Variants in PARD3B observed in about 807,000 individuals in gnomAD.
PARD3B encodes par-3 family cell polarity regulator beta, also known as partitioning defective 3 homolog B.
In PARD3B, 103 loss-of-function variants were observed where a neutral mutation model predicts 130.2. The ratio of observed to expected loss-of-function variants is 0.79; its 90% CI spans 0.67 to 0.93. The LOEUF (loss-of-function observed/expected upper bound fraction) is 0.93, where lower values mean the gene tolerates loss of function less well. Ranked by LOEUF, PARD3B falls within the 40% of genes least tolerant of loss-of-function variation. The probability of loss-of-function intolerance (pLI) is 0.00; values close to 1 mark genes in which losing one functional copy is unlikely to be tolerated. For missense variants in PARD3B, 1,609 were observed against 1,499.2 expected, an observed-to-expected ratio of 1.07 and a Z score of -1.21; for synonymous variants, 583 against 553.2, an observed-to-expected ratio of 1.05 and a Z score of -0.76.
intron 16 of PARD3B, among the ~76,000 whole-genome samples, chr2:205,284,875 GA>G (rs1180273510): frequency 2.0e-5 from 3 of 151,832 alleles, no homozygotes; most frequent in Non-Finnish European, 2.9e-5. Flanking sequence ...CAAATGATGG[GA>G]AAAACTGTTT....
intron 22 of PARD3B, among the ~76,000 whole-genome samples, chr2:205,557,577 C>G (rs1483278529): frequency 6.6e-6 from 1 of 152,162 alleles, no homozygotes; most frequent in African/African-American, 2.4e-5. Context: ...ACCTGTGTGG[C>G]CTTGGGCAGT....
At chr2:204,595,014 CTTTATAAAG>C (rs2033226141) in intron 1 of PARD3B, among the ~76,000 whole-genome samples, 1 of 152,142 alleles carries the variant, frequency 6.6e-6, no homozygotes, top group African/African-American at 2.4e-5. Flanking sequence ...CATGGGTCTA[CTTTATAAAG>C]TAGACCCTCT....
At chr2:204,807,159 C>G (rs939202823) in intron 2 of PARD3B, among the ~76,000 whole-genome samples, 6 of 152,088 alleles carry the variant, frequency 3.9e-5, no homozygotes, top group Non-Finnish European at 8.8e-5. Context: ...AAAAACCCAC[C>G]CCCGTGATTC....
rs755307040 is a variant in PARD3B at position 205,244,984 on chromosome 2, A to G, written c.2141-794A>G. On this transcript the variant is annotated intron_variant, in intron 15 of 22. Coordinates refer to ENST00000406610, the MANE Select transcript of PARD3B (RefSeq NM_001302769.2). The surrounding 1 kb of genome is among the most constrained non-coding windows in gnomAD (Gnocchi z 4.7). Reference sequence around the variant, plus strand: ...CTCTTGGGTTAATTTTCTTACACACATATGATCATCAGTATTCAACTACAT... The same window carrying G: ...CTCTTGGGTTAATTTTCTTACACACGTATGATCATCAGTATTCAACTACAT... Among the ~76,000 whole-genome samples, 2 of 152,226 alleles carry G rather than the reference A, an allele frequency of 1.3e-5. No homozygotes were observed. Among genetic ancestry groups the G allele is most frequent in the South Asian group, 2.1e-4 (1 of 4,832 alleles).
intron 2 of PARD3B, among the ~76,000 whole-genome samples, chr2:204,882,947 A>G (rs1216003418): frequency 1.3e-5 from 2 of 152,130 alleles, no homozygotes; most frequent in Non-Finnish European, 2.9e-5. Flanking sequence ...CTTTACTTGG[A>G]AAAAGGGGAC....
intron 2 of PARD3B, among the ~76,000 whole-genome samples, chr2:204,860,839 A>G (rs1285793526): frequency 6.6e-6 from 1 of 152,194 alleles, no homozygotes; most frequent in African/African-American, 2.4e-5. Context: ...TTAAAAAAAA[A>G]TCTTTATTGA....
chr2:204,721,661 T>A (rs1036775618), intron 2 of PARD3B, among the ~76,000 whole-genome samples: 3 of 152,184 alleles, frequency 2.0e-5, no homozygotes, highest in Non-Finnish European at 4.4e-5. Context: ...TCATTATATT[T>A]AAAAATATTT....
intron 3 of PARD3B, among the ~76,000 whole-genome samples, chr2:204,965,783 T>TG (rs371042668): frequency 1.1e-3 from 161 of 152,358 alleles, no homozygotes; most frequent in African/African-American, 3.6e-3. Context: ...TCTTTTCTGA[T>TG]GATTTATTCA....
intron 4 of PARD3B, among the ~76,000 whole-genome samples, chr2:205,095,246 C>T (rs373148956): frequency 1.3e-5 from 2 of 152,004 alleles, no homozygotes; most frequent in African/African-American, 4.8e-5. Flanking sequence ...GGAAAATTAG[C>T]TATAACTGAA....
intron 16 of PARD3B, among the ~76,000 whole-genome samples, chr2:205,275,430 G>A (rs1032147761): frequency 6.6e-6 from 1 of 152,100 alleles, no homozygotes; most frequent in Admixed American, 6.5e-5. Flanking sequence ...ACCCTCTTTA[G>A]ATTACCCAAA....
intron 18 of PARD3B, among the ~76,000 whole-genome samples, chr2:205,354,286 GTT>G (rs2044106489): frequency 6.6e-6 from 1 of 151,566 alleles, no homozygotes; most frequent in African/African-American, 2.4e-5. Flanking sequence ...CCCCCGTTCA[GTT>G]ACCGGTCAGG....
At chr2:204,866,977 G>A (rs1186648428) in intron 2 of PARD3B, among the ~76,000 whole-genome samples, 1 of 151,990 alleles carries the variant, frequency 6.6e-6, no homozygotes, top group Non-Finnish European at 1.5e-5. Context: ...GCTGAAGCAG[G>A]AGAATCTCCT....
intron 19 of PARD3B, among the ~76,000 whole-genome samples, chr2:205,413,878 A>T (rs1241713209): frequency 6.6e-6 from 1 of 152,166 alleles, no homozygotes; most frequent in African/African-American, 2.4e-5. Context: ...ACTTAAATTT[A>T]ATCAGTTGAA....
In PARD3B at chr2:205,239,640, A is replaced by G. The variant is rs146899179; in HGVS notation, c.2141-6138A>G. Among the ~76,000 whole-genome samples, 1,122 of 152,372 alleles carry G rather than the reference A, an allele frequency of 7.4e-3. 17 individuals are homozygous for G. The highest frequency in any genetic ancestry group is 0.025 in the African/African-American group (1,053 of 41,588). ...CAATTTAAGACTTTCTAAGGTTCAT[A>G]GAGAAAGAAAAGGAATTTTAAAGAG... On this transcript the variant is annotated intron_variant, in intron 15 of 22. Coordinates refer to ENST00000406610, the MANE Select transcript of PARD3B (RefSeq NM_001302769.2).
At chr2:205,326,880 A>G (rs905619278) in intron 18 of PARD3B, among the ~76,000 whole-genome samples, 6 of 152,208 alleles carry the variant, frequency 3.9e-5, no homozygotes, top group Admixed American at 3.3e-4. Context: ...ATAAAAATCA[A>G]TATTAATCAG....
At chr2:204,560,290 T>G (rs1574461757) in intron 1 of PARD3B, among the ~76,000 whole-genome samples, 1 of 152,324 alleles carries the variant, frequency 6.6e-6, no homozygotes, top group African/African-American at 2.4e-5. Context: ...AAAAGTCACT[T>G]TAGTCACATG....
At chr2:205,447,601 A>G (rs865846760) in intron 20 of PARD3B, among the ~76,000 whole-genome samples, 14 of 151,602 alleles carry the variant, frequency 9.2e-5, no homozygotes, top group Middle Eastern at 3.4e-3. Flanking sequence ...CTGGTCTTGA[A>G]CTCCTGACCT....
At position 204,669,049 on chromosome 2, in the gene PARD3B, A is replaced by G. The variant is rs569236741; in HGVS notation, c.121-17132A>G. Reference sequence around the variant, plus strand: ...AGCCTCCAGAAAGGAATTCAGGTCCACTCACATCTTGATGTTCACCTAGTA... The same window carrying G: ...AGCCTCCAGAAAGGAATTCAGGTCCGCTCACATCTTGATGTTCACCTAGTA... On this transcript the variant is annotated intron_variant, in intron 1 of 22. Coordinates refer to ENST00000406610, the MANE Select transcript of PARD3B (RefSeq NM_001302769.2). The surrounding 1 kb of genome is among the most constrained non-coding windows in gnomAD (Gnocchi z 4.3). Among the ~76,000 whole-genome samples the G allele has an allele frequency of 6.6e-6, 1 of 152,290 alleles. No individual in the cohort carries two copies. Among genetic ancestry groups the G allele is most frequent in the African/African-American group, 2.4e-5 (1 of 41,566 alleles).
chr2:205,379,429 C>T (rs1416822971), intron 18 of PARD3B, among the ~76,000 whole-genome samples: 2 of 151,834 alleles, frequency 1.3e-5, no homozygotes, highest in Non-Finnish European at 2.9e-5. Context: ...CCAGAATGTA[C>T]CCATGTTCCA....
Sources: allele counts gnomAD v4.1 joint callset (sites outside exome capture counted in the v4.1 genomes callset), GRCh38; gene constraint gnomAD v4.1.1; non-coding constraint Gnocchi (gnomAD v3.1); transcripts MANE v1.5; gene names NCBI Gene and HGNC (gene_info 2026-07-23, HGNC 2026-07-21).